CELSR1: variants seen among roughly 807,000 people sequenced by gnomAD.
CELSR1 encodes the protein adhesion G protein-coupled receptor C1.
Under a neutral mutation model 249.1 loss-of-function variants are expected in CELSR1, and 110 were observed. That is an observed-to-expected ratio of 0.44 (90% CI 0.38 to 0.52). The LOEUF (loss-of-function observed/expected upper bound fraction) is 0.52, where lower values mean the gene tolerates loss of function less well. CELSR1 is among the 20% of genes least tolerant of loss of function. The pLI is 0.00. For synonymous variants in CELSR1, 2,113 were observed against 1,900.0 expected, an observed-to-expected ratio of 1.11 and a Z score of -2.92; for missense variants, 4,109 against 4,296.4, an observed-to-expected ratio of 0.96 and a Z score of 1.22.
rs776632614 is a variant in CELSR1, at chr22:46,409,860, A to T, written c.4954T>A (p.Phe1652Ile). The T allele has an allele frequency of 1.9e-6, 3 of 1,613,492 alleles. No homozygotes were observed. The South Asian group carries it at 3.3e-5, about 18-fold the overall frequency. Residue 1652 changes from phenylalanine (F) to isoleucine (I), a missense_variant, in exon 8 of 35, where the codon TTC (phenylalanine) becomes ATC (isoleucine). Coordinates refer to ENST00000674500, the MANE Select transcript of CELSR1 (RefSeq NM_001378328.1). This position sits in a 1 kb window ranked among gnomAD's most constrained non-coding sequence, Gnocchi z 9.8. The part of the protein sequence containing the change: ...TREGCAARRN[F>I]CDGRRCQNGG... ...TTCTGACACCGCCTCCCATCGCAGA[A>T]GTTCCTCCGAGCAGCGCAGCCTGGC...
intron 9 of CELSR1, among the ~76,000 whole-genome samples, chr22:46,403,392 CAAA>C (rs61497637): frequency 3.4e-5 from 4 of 116,206 alleles, no homozygotes; most frequent in Non-Finnish European, 3.9e-5. Flanking sequence ...ACTAAAAATA[CAAA>C]AAAAAAAAAA....
At chr22:46,522,966 G>T (rs761624961) in intron 1 of CELSR1, among the ~76,000 whole-genome samples, 1 of 152,226 alleles carries the variant, frequency 6.6e-6, no homozygotes, top group Non-Finnish European at 1.5e-5. Context: ...ACAGCCCCTG[G>T]GGCCTTGGCC....
rs1310637394 is a variant in CELSR1, at chr22:46,473,589, G to T, written c.3545-9244C>A. ...CCAACGCCCCTCGAGGCCTGGTTAG[G>T]GCAGCCCATGATGCCCTCGGGGTCC... On this transcript the variant is annotated intron_variant, in intron 1 of 34. Transcript: ENST00000674500. The surrounding 1 kb of genome is among the most constrained non-coding windows in gnomAD (Gnocchi z 6.6). Among the ~76,000 whole-genome samples, 2 of 152,168 alleles carry T rather than the reference G, an allele frequency of 1.3e-5. No homozygotes were observed. The highest frequency in any genetic ancestry group is 4.8e-5 in the African/African-American group (2 of 41,448).
rs956637427 is a variant in CELSR1 at position 46,423,074 on chromosome 22, G to A, written c.4611+10319C>T. On this transcript the variant is annotated intron_variant, in intron 5 of 34. Transcript: ENST00000674500. This position sits in a 1 kb window ranked among gnomAD's most constrained non-coding sequence, Gnocchi z 5.6. ...TGGGCAACAGGACATCAGGGCACAA[G>A]GACACGAGATAAGGCCTGGAAAGCA... Among the ~76,000 whole-genome samples, 3 of 152,112 alleles carry A rather than the reference G, an allele frequency of 2.0e-5. No individual in the cohort carries two copies. Among genetic ancestry groups the A allele is most frequent in the African/African-American group, 7.2e-5 (3 of 41,412 alleles).
intron 25 of CELSR1, among the ~76,000 whole-genome samples, chr22:46,370,430 C>T (rs2078839439): frequency 1.3e-5 from 2 of 152,106 alleles, no homozygotes; most frequent in South Asian, 2.1e-4. Context: ...ACCACACACA[C>T]ACCCCCGAAA....
Position 46,429,899 on chromosome 22 carries a change from G to A in CELSR1, c.4611+3494C>T, listed in dbSNP as rs763601997. On this transcript the variant is annotated intron_variant, in intron 5 of 34. Coordinates refer to ENST00000674500, the MANE Select transcript of CELSR1 (RefSeq NM_001378328.1). The surrounding 1 kb of genome is among the most constrained non-coding windows in gnomAD (Gnocchi z 4.1). ...TGCCTCCAGCCCTGGGTCCCACACC[G>A]CCTCTCATGGATGCCCCATGCCCTG... Among the ~76,000 whole-genome samples the A allele has an allele frequency of 2.0e-5, 3 of 152,196 alleles. No homozygotes were observed. Among genetic ancestry groups the A allele is most frequent in the East Asian group, 1.9e-4 (1 of 5,190 alleles).
Position 46,490,350 on chromosome 22 carries a change from A to C in CELSR1, c.3545-26005T>G, listed in dbSNP as rs1018053754. Among the ~76,000 whole-genome samples, 14 of 152,056 alleles carry C rather than the reference A, an allele frequency of 9.2e-5. No individual in the cohort carries two copies. Among genetic ancestry groups the C allele is most frequent in the East Asian group, 1.9e-4 (1 of 5,180 alleles). On this transcript the variant is annotated intron_variant, in intron 1 of 34. Coordinates refer to ENST00000674500, the MANE Select transcript of CELSR1 (RefSeq NM_001378328.1). This position sits in a 1 kb window ranked among gnomAD's most constrained non-coding sequence, Gnocchi z 5.2. Reference sequence around the variant, plus strand: ...CACCCAGGCTGGAGTACAGCGGCGCAATCTTGGCTCACTCCAACCTCCGCC... The same window carrying C: ...CACCCAGGCTGGAGTACAGCGGCGCCATCTTGGCTCACTCCAACCTCCGCC...
At chr22:46,497,439 C>T (rs564380857) in intron 1 of CELSR1, among the ~76,000 whole-genome samples, 4 of 152,124 alleles carry the variant, frequency 2.6e-5, no homozygotes, top group Non-Finnish European at 4.4e-5. Context: ...TCTCTCTCCC[C>T]GGGAGAATCT....
intron 2 of CELSR1, among the ~76,000 whole-genome samples, chr22:46,453,167 C>T (rs918655904): frequency 2.0e-5 from 3 of 152,218 alleles, no homozygotes; most frequent in East Asian, 3.9e-4. Context: ...GAAAGACGAC[C>T]GAGGAAGGTG....
intron 1 of CELSR1, among the ~76,000 whole-genome samples, chr22:46,522,415 G>A (rs997639198): frequency 1.3e-5 from 2 of 152,088 alleles, no homozygotes; most frequent in Admixed American, 6.6e-5. Flanking sequence ...CTGCGGTTTC[G>A]ACTTGAATTT....
At chr22:46,514,379 C>T (rs1203550127) in intron 1 of CELSR1, among the ~76,000 whole-genome samples, 1 of 152,210 alleles carries the variant, frequency 6.6e-6, no homozygotes, top group East Asian at 1.9e-4. Context: ...CTCTTCCACC[C>T]AGACGTTTCA....
intron 3 of CELSR1, 128 bp downstream of exon 3, chr22:46,439,061 A>T: frequency 1.1e-6 from 1 of 919,590 alleles, no homozygotes; most frequent in Non-Finnish European, 1.7e-6. Flanking sequence ...CCTGGCCTGG[A>T]GCTACTCAAC....
In CELSR1 at chr22:46,379,318, G is replaced by C. The variant is rs183457475; in HGVS notation, c.7257-601C>G. Among the ~76,000 whole-genome samples the C allele has an allele frequency of 7.2e-5, 11 of 152,368 alleles. No homozygotes were observed. The South Asian group carries it at 1.4e-3, about 20-fold the overall frequency. On this transcript the variant is annotated intron_variant, in intron 22 of 34. Coordinates refer to ENST00000674500, the MANE Select transcript of CELSR1 (RefSeq NM_001378328.1). ...TGTTATAAGGTGTGTCTCAGCTTCA[G>C]ACAGGGCCCTGCCCTCGCAGACTCT... is the stretch of plus-strand genomic sequence containing the variant.
In CELSR1 at chr22:46,536,798, C is replaced by A. The variant is rs1251570666; in HGVS notation, c.373G>T (p.Ala125Ser). ...AAGCAGAGCGCCCCGCAGAGCCGGGCACCGGTTCCGCAGAGCCGGGCACGG... is the reference window on the plus strand; with the variant it reads ...AAGCAGAGCGCCCCGCAGAGCCGGGAACCGGTTCCGCAGAGCCGGGCACGG... ...GARARLCGTG[A>S]RLCGALCFPV... is the part of the protein sequence containing the mutation. The change falls in exon 1 of 35, where the codon GCC (alanine) becomes TCC (serine). Residue 125 changes from alanine to serine, a missense_variant. This residue lies in a region of CELSR1 where 673 missense variants were observed against 636.8 expected (regional missense o/e 1.06). Coordinates refer to ENST00000674500, the MANE Select transcript of CELSR1 (RefSeq NM_001378328.1). 8.4e-7 allele frequency: 1 copy of A among 1,195,008 alleles called. No homozygotes were observed. The highest frequency in any genetic ancestry group is 3.4e-5 in the South Asian group (1 of 29,380). The allele number at this position is 1,195,008 out of a possible 1,614,324, so 74.0% of individuals were successfully genotyped here.
intron 22 of CELSR1, 152 bp from the exon 23 acceptor site, chr22:46,378,869 C>T (rs1446350915): frequency 7.0e-6 from 7 of 1,000,642 alleles, no homozygotes; most frequent in Non-Finnish European, 1.0e-5. Context: ...CCAGCGCCCT[C>T]GCAGGCTGCT....
At position 46,391,211 on chromosome 22, in the gene CELSR1, C is replaced by G. The variant is rs546943922; in HGVS notation, c.6225G>C (p.Ala2075=). The change falls in exon 16 of 35, where the codon GCG becomes GCC. Residue 2075 remains alanine, a synonymous_variant. Coordinates refer to ENST00000674500, the MANE Select transcript of CELSR1 (RefSeq NM_001378328.1). This position sits in a 1 kb window ranked among gnomAD's most constrained non-coding sequence, Gnocchi z 4.3. ...WPQTKFGQPA[A]VPCPKGSVGN... The stretch of plus-strand genomic sequence containing the variant: ...CAACGGATCCCTTAGGGCATGGCAC[C>G]GCAGCCGGCTGCCCGAACTTGGTCT... 2 of 1,613,428 alleles carry G rather than the reference C, an allele frequency of 1.2e-6. No homozygotes were observed. Among genetic ancestry groups the G allele is most frequent in the Non-Finnish European group, 1.7e-6 (2 of 1,179,972 alleles).
At position 46,410,787 on chromosome 22, in the gene CELSR1, G is replaced by A. The variant is rs1041933050; in HGVS notation, c.4770-226C>T. 2.0e-5 allele frequency among the ~76,000 whole-genome samples: 3 copies of A among 151,884 alleles called. No individual in the cohort carries two copies. The South Asian group carries it at 6.3e-4, about 32-fold the overall frequency. ...AGTCCTGACGATCTGGGTGTTTCAC[G>A]CTCACCAGTGACCACCAAGCCCCGC... is the stretch of plus-strand genomic sequence containing the variant. On this transcript the variant is annotated intron_variant, in intron 6 of 34. Coordinates refer to ENST00000674500, the MANE Select transcript of CELSR1 (RefSeq NM_001378328.1). The surrounding 1 kb of genome is among the most constrained non-coding windows in gnomAD (Gnocchi z 6.8).
chr22:46,403,376 G>T (rs139678759), intron 9 of CELSR1, among the ~76,000 whole-genome samples: 3 of 147,672 alleles, frequency 2.0e-5, no homozygotes, highest in African/African-American at 7.7e-5. Flanking sequence ...GTGAAACCCC[G>T]TGTCTACTAA....
intron 1 of CELSR1, among the ~76,000 whole-genome samples, chr22:46,523,494 C>G (rs955556808): frequency 6.6e-6 from 1 of 150,854 alleles, no homozygotes; most frequent in African/African-American, 2.5e-5. Context: ...CACCACTGCA[C>G]TCCAGCCTGG....
Sources: allele counts gnomAD v4.1 joint callset (sites outside exome capture counted in the v4.1 genomes callset), GRCh38; gene constraint gnomAD v4.1.1; regional missense constraint gnomAD v4.1.1; non-coding constraint Gnocchi (gnomAD v3.1); transcripts MANE v1.5; gene names NCBI Gene and HGNC (gene_info 2026-07-23, HGNC 2026-07-21).